Variants in ARHGAP21 observed in about 807,000 individuals in gnomAD.
ARHGAP21 encodes the protein Rho GTPase activating protein 21.
A neutral mutation model predicts 164.6 loss-of-function variants in ARHGAP21; 38 were observed. That is an observed-to-expected ratio of 0.23 (90% CI 0.18 to 0.30). The LOEUF (loss-of-function observed/expected upper bound fraction) is 0.30, where lower values mean the gene tolerates loss of function less well. ARHGAP21 is among the 10% of genes least tolerant of loss of function. The pLI is 1.00. For synonymous variants in ARHGAP21, 766 were observed against 857.9 expected (o/e 0.89, Z 1.87); for missense variants, 1,822 against 2,370.7 (o/e 0.77, Z 4.81).
At chr10:24,647,552 TA>T in intron 4 of ARHGAP21, among the ~76,000 whole-genome samples, 1 of 152,202 alleles carries the variant, frequency 6.6e-6, no homozygotes. Flanking sequence ...ACTAACATAG[TA>T]AATTTTGCAG....
intron 19 of ARHGAP21, 96 bp downstream of exon 19, chr10:24,595,621 C>T: frequency 7.8e-7 from 1 of 1,279,170 alleles, no homozygotes; most frequent in Non-Finnish European, 1.1e-6. Context: ...CTTCCTTTGA[C>T]CAAGACATTT....
At chr10:24,675,865 A>C (rs1841165002) in intron 2 of ARHGAP21, among the ~76,000 whole-genome samples, 1 of 152,212 alleles carries the variant, frequency 6.6e-6, no homozygotes, top group African/African-American at 2.4e-5. Flanking sequence ...CATAAAAAGT[A>C]GATCGGGCTC....
chr10:24,697,264 C>CT (rs1332297967), intron 2 of ARHGAP21, among the ~76,000 whole-genome samples: 6 of 151,940 alleles, frequency 3.9e-5, no homozygotes, highest in Non-Finnish European at 8.8e-5. Context: ...GTGAAATGGC[C>CT]TTATAAAGGG....
chr10:24,666,719 C>T (rs184626053), intron 4 of ARHGAP21, among the ~76,000 whole-genome samples: 1 of 152,236 alleles, frequency 6.6e-6, no homozygotes, highest in Admixed American at 6.5e-5. Flanking sequence ...TAAGTGCTCT[C>T]CTTGGAATTA....
chr10:24,668,785 G>A (rs1390226914), intron 3 of ARHGAP21, among the ~76,000 whole-genome samples: 1 of 151,832 alleles, frequency 6.6e-6, no homozygotes, highest in Non-Finnish European at 1.5e-5. Context: ...ATTGTACTGT[G>A]CTACTAAAAT....
intron 15 of ARHGAP21, 97 bp downstream of exon 15, chr10:24,597,848 C>A (rs911252560): frequency 1.0e-4 from 135 of 1,319,016 alleles, no homozygotes; most frequent in Non-Finnish European, 1.4e-4. Flanking sequence ...CGGTTTCAAG[C>A]ATCCACTGGG....
At chr10:24,622,784 T>C (rs368413988) in intron 7 of ARHGAP21, 22 bp from the exon 8 acceptor site, 16 of 1,607,676 alleles carry the variant, frequency 1.0e-5, no homozygotes, top group African/African-American at 1.3e-5. Context: ...TAGGAAAACA[T>C]AGTAGAAGCT....
In ARHGAP21 at chr10:24,722,049, A is replaced by G; in HGVS notation, c.-150T>C. 1.3e-6 allele frequency: 1 copy of G among 794,104 alleles called. No homozygotes were observed. The allele number at this position is 794,104 out of a possible 1,614,324, so 49.2% of individuals were successfully genotyped here. On this transcript the variant is annotated 5_prime_UTR_variant, in exon 2 of 26. Transcript: ENST00000396432. The stretch of plus-strand genomic sequence containing the variant: ...TGAAACAGACAACGTGCCAGGGAAT[A>G]AAGGTTTTCAGGAAGCGCCTTCAAA...
chr10:24,662,982 T>TA (rs1839858811), intron 4 of ARHGAP21, among the ~76,000 whole-genome samples: 1 of 149,610 alleles, frequency 6.7e-6, no homozygotes. Context: ...TTTTTTTCAG[T>TA]AAAAATATGG....
chr10:24,627,527 A>C (rs1291844104), intron 7 of ARHGAP21, among the ~76,000 whole-genome samples: 1 of 152,208 alleles, frequency 6.6e-6, no homozygotes, highest in African/African-American at 2.4e-5. Flanking sequence ...TTAATGATTA[A>C]AGTAATTCAA....
At chr10:24,723,540 G>T in intron 1 of ARHGAP21, 22 bp downstream of exon 1, 1 of 147,370 alleles carries the variant, frequency 6.8e-6, no homozygotes, top group South Asian at 2.0e-4. Flanking sequence ...CGGCTGAGAC[G>T]GAAAAGAAAC....
chr10:24,623,665 T>C (rs1834797762), intron 7 of ARHGAP21, among the ~76,000 whole-genome samples: 1 of 152,196 alleles, frequency 6.6e-6, no homozygotes, highest in Non-Finnish European at 1.5e-5. Flanking sequence ...CACAACATCC[T>C]TGTGTAGTTT....
intron 9 of ARHGAP21, among the ~76,000 whole-genome samples, chr10:24,615,084 G>A (rs182408744): frequency 6.6e-6 from 1 of 152,172 alleles, no homozygotes; most frequent in African/African-American, 2.4e-5. Flanking sequence ...CAGCTACTCG[G>A]GAGGCTGAGG....
At chr10:24,650,302 C>T (rs1290345479) in intron 4 of ARHGAP21, among the ~76,000 whole-genome samples, 2 of 152,048 alleles carry the variant, frequency 1.3e-5, no homozygotes, top group African/African-American at 4.8e-5. Flanking sequence ...AGGGGGACTG[C>T]CTGAGGCCAG....
intron 15 of ARHGAP21, 38 bp from the exon 16 acceptor site, chr10:24,597,621 A>AT: frequency 1.9e-6 from 3 of 1,608,066 alleles, no homozygotes; most frequent in Non-Finnish European, 2.5e-6. Flanking sequence ...AATTACAGTA[A>AT]TCCCCCTCTA....
intron 2 of ARHGAP21, among the ~76,000 whole-genome samples, chr10:24,681,541 A>C (rs1432944611): frequency 1.3e-5 from 2 of 152,190 alleles, no homozygotes; most frequent in Admixed American, 6.5e-5. Context: ...CCAAGAAAGC[A>C]TTTTATACTG....
Position 24,722,240 on chromosome 10 carries a change from A to C in ARHGAP21, c.-341T>G. 5.7e-6 allele frequency: 2 copies of C among 351,608 alleles called. No homozygotes were observed. The highest frequency in any genetic ancestry group is 1.1e-5 in the Non-Finnish European group (2 of 182,152). The allele number at this position is 351,608 out of a possible 1,614,324, so 21.8% of individuals were successfully genotyped here. The stretch of plus-strand genomic sequence containing the variant: ...ACTCCTGAGTCCTGGAAAAATCCGA[A>C]TGGGTCGTGAAGGTTCGAGTGTCAG... On this transcript the variant is annotated 5_prime_UTR_variant, in exon 2 of 26. Transcript: ENST00000396432.
intron 25 of ARHGAP21, among the ~76,000 whole-genome samples, chr10:24,588,350 G>T (rs2076190430): frequency 6.6e-6 from 1 of 151,126 alleles, no homozygotes; most frequent in Admixed American, 6.6e-5. Flanking sequence ...GATGAATCTA[G>T]GGTAAAGGAT....
chr10:24,715,011 C>G (rs564953014), intron 2 of ARHGAP21, among the ~76,000 whole-genome samples: 1 of 141,728 alleles, frequency 7.1e-6, no homozygotes, highest in African/African-American at 2.7e-5. Context: ...GCCTGGGCGA[C>G]AGAGTGAGAG....
Sources: allele counts gnomAD v4.1 joint callset (sites outside exome capture counted in the v4.1 genomes callset), GRCh38; gene constraint gnomAD v4.1.1; transcripts MANE v1.5; gene names NCBI Gene and HGNC (gene_info 2026-07-23, HGNC 2026-07-21).